The following SPRR5 variants were observed in gnomAD, a reference collection of about 807,000 sequenced individuals.
The protein encoded by SPRR5 is small proline-rich protein 5.
intron 1 of SPRR5, among the ~76,000 whole-genome samples, 153 bp from the exon 2 acceptor site, chr1:152,948,384 G>A (rs74874969): frequency 0.017 from 2,361 of 139,346 alleles, 57 homozygotes; most frequent in African/African-American, 0.069. Context: ...ACATGCGCGC[G>A]CGCACACACA....
chr1:152,948,053 A>T (rs1193511804), intron 1 of SPRR5, among the ~76,000 whole-genome samples: 1 of 152,174 alleles, frequency 6.6e-6, no homozygotes, highest in East Asian at 1.9e-4. Flanking sequence ...TAATTTTTGC[A>T]CCAACTCTAA....
At chr1:152,947,419 C>A (rs1651086615) in intron 1 of SPRR5, among the ~76,000 whole-genome samples, 171 bp downstream of exon 1, 1 of 152,080 alleles carries the variant, frequency 6.6e-6, no homozygotes, top group African/African-American at 2.4e-5. Context: ...AGCAAGTTAT[C>A]CAGCAGAGTA....
At chr1:152,948,263 C>A (rs1042641566) in intron 1 of SPRR5, among the ~76,000 whole-genome samples, 5 of 151,668 alleles carry the variant, frequency 3.3e-5, no homozygotes, top group African/African-American at 1.2e-4. Context: ...TCTTTTCAAC[C>A]CCTCCTAACA....
exon 2 of SPRR5, chr1:152,948,550 C>T (rs1651121464): frequency 6.0e-6 from 2 of 331,076 alleles, no homozygotes; most frequent in Non-Finnish European, 1.1e-5. Context: ...CAAGTCCAGC[C>T]CAGAATGTCT....
At chr1:152,948,379 C>CGT (rs895027696) in intron 1 of SPRR5, among the ~76,000 whole-genome samples, 158 bp from the exon 2 acceptor site, 7 of 140,606 alleles carry the variant, frequency 5.0e-5, no homozygotes, top group African/African-American at 2.2e-4. Flanking sequence ...TTTACACATG[C>CGT]GCGCGCGCAC....
chr1:152,947,460 G>A (rs151148056), intron 1 of SPRR5, among the ~76,000 whole-genome samples: 13 of 152,276 alleles, frequency 8.5e-5, no homozygotes, highest in Non-Finnish European at 1.5e-4. Flanking sequence ...CAGGGAGAAG[G>A]AGGGGGGTAT....
chr1:152,948,207 C>T (rs1038754615), intron 1 of SPRR5, among the ~76,000 whole-genome samples: 4 of 151,592 alleles, frequency 2.6e-5, no homozygotes, highest in African/African-American at 9.8e-5. Context: ...TTCATTCTTC[C>T]TCTTTTTTTT....
intron 1 of SPRR5, 64 bp from the exon 2 acceptor site, chr1:152,948,473 C>A (rs1651119152): frequency 7.5e-6 from 2 of 265,978 alleles, no homozygotes; most frequent in Admixed American, 5.3e-5. Context: ...GCAGGGGGTT[C>A]ACCTGGGCTT....
chr1:152,948,386 G>GCA (rs3054120), intron 1 of SPRR5, among the ~76,000 whole-genome samples, 151 bp from the exon 2 acceptor site: 13,192 of 149,978 alleles, frequency 0.088, 656 homozygotes, highest in African/African-American at 0.13. Flanking sequence ...ATGCGCGCGC[G>GCA]CACACACACA....
chr1:152,948,585 C>A (rs1487595849), exon 2 of SPRR5: 4 of 288,986 alleles, frequency 1.4e-5, no homozygotes, highest in South Asian at 3.0e-4. Context: ...GCAGTGTGCT[C>A]CCCCGCAGCA....
intron 1 of SPRR5, among the ~76,000 whole-genome samples, chr1:152,948,220 T>C (rs1025895482): frequency 1.2e-4 from 18 of 150,120 alleles, no homozygotes; most frequent in African/African-American, 4.3e-4. Flanking sequence ...TTTTTTTTCC[T>C]CTCTCTCCCT....
rs1651128972 is a variant in SPRR5 at position 152,948,684 on chromosome 1, T to TGCCC, written c.134_137dup (p.Pro47AlafsTer131). Reference sequence around the variant, plus strand: ...GTGCTGCCCCCCACCCCAGCAGTGCTGCCCGCCGCCTCAACAATGCTGCCC... The same window carrying TGCCC: ...GTGCTGCCCCCCACCCCAGCAGTGCTGCCCGCCCGCCGCCTCAACAATGCTGCCC... On this transcript the variant is annotated frameshift_variant, in exon 2 of 2. Coordinates refer to ENST00000636302, the Ensembl canonical transcript of SPRR5. LOFTEE classifies it high-confidence loss of function. 9.0e-6 allele frequency: 1 copy of TGCCC among 111,704 alleles called. No homozygotes were observed. Among genetic ancestry groups the TGCCC allele is most frequent in the African/African-American group, 3.9e-5 (1 of 25,382 alleles). 6.9% of individuals were successfully genotyped at this position (111,704 alleles called of 1,614,324 possible).
intron 1 of SPRR5, among the ~76,000 whole-genome samples, chr1:152,947,894 ATGCGC>A (rs1486009961): frequency 1.3e-4 from 20 of 152,210 alleles, no homozygotes; most frequent in African/African-American, 4.6e-4. Flanking sequence ...AGTGGTTAAG[ATGCGC>A]CTTTTAAATT....
chr1:152,948,294 C>T (rs1651112490), intron 1 of SPRR5, among the ~76,000 whole-genome samples: 1 of 151,658 alleles, frequency 6.6e-6, no homozygotes. Flanking sequence ...CCCTCCCTTC[C>T]TCCTTTCCTA....
intron 1 of SPRR5, among the ~76,000 whole-genome samples, chr1:152,948,183 C>G (rs752161558): frequency 1.3e-5 from 2 of 152,046 alleles, no homozygotes; most frequent in African/African-American, 4.8e-5. Context: ...TAATAGGATA[C>G]AACAGTCTGC....
At chr1:152,948,127 A>G (rs1470805444) in intron 1 of SPRR5, among the ~76,000 whole-genome samples, 1 of 152,216 alleles carries the variant, frequency 6.6e-6, no homozygotes, top group African/African-American at 2.4e-5. Context: ...ATTTAGCCAG[A>G]ACTCAGATCC....
chr1:152,947,761 G>A (rs1388847334), intron 1 of SPRR5, among the ~76,000 whole-genome samples: 1 of 152,132 alleles, frequency 6.6e-6, no homozygotes. Context: ...CATCTATGCC[G>A]AGTGGCTTTG....
At chr1:152,948,477 T>C (rs189320510) in intron 1 of SPRR5, 60 bp from the exon 2 acceptor site, 15,054 of 275,716 alleles carry the variant, frequency 0.055, 592 homozygotes, top group Middle Eastern at 0.1. Flanking sequence ...GGGGTTCACC[T>C]GGGCTTAGGG....
chr1:152,948,540 C>T (rs1053594671), exon 2 of SPRR5: 4 of 328,004 alleles, frequency 1.2e-5, no homozygotes, highest in African/African-American at 8.6e-5. Flanking sequence ...TTTCCAGTTG[C>T]AAGTCCAGCC....
Sources: allele counts gnomAD v4.1 joint callset (sites outside exome capture counted in the v4.1 genomes callset), GRCh38; gene constraint gnomAD v4.1.1; transcripts MANE v1.5; gene names NCBI Gene and HGNC (gene_info 2026-07-23, HGNC 2026-07-21).